EIF4G3: variants seen among roughly 807,000 people sequenced by gnomAD.
EIF4G3 encodes eIF-4-gamma 3.
Under a neutral mutation model 186.4 loss-of-function variants are expected in EIF4G3, and 34 were observed. The ratio of observed to expected loss-of-function variants is 0.18; its 90% confidence interval spans 0.14 to 0.24. The LOEUF (loss-of-function observed/expected upper bound fraction) is 0.24, where lower values mean the gene tolerates loss of function less well. EIF4G3 is among the 10% of genes least tolerant of loss of function. The pLI, the probability that EIF4G3 is intolerant of heterozygous loss-of-function variation, is 1.00. For synonymous variants in EIF4G3, 673 were observed against 679.5 expected (o/e 0.99, Z 0.15); for missense variants, 1,536 against 1,948.5 (o/e 0.79, Z 3.99).
chr1:20,910,174 A>G (rs183565059), intron 14 of EIF4G3, among the ~76,000 whole-genome samples: 1 of 152,306 alleles, frequency 6.6e-6, no homozygotes, highest in Non-Finnish European at 1.5e-5. Context: ...TAATAGGGAG[A>G]CAATTAAAAT....
intron 36 of EIF4G3, among the ~76,000 whole-genome samples, chr1:20,809,761 A>T (rs2058860356): frequency 6.6e-6 from 1 of 152,166 alleles, no homozygotes; most frequent in South Asian, 2.1e-4. Context: ...TGGTTATTTA[A>T]ATTTAAAGTC....
intron 19 of EIF4G3, among the ~76,000 whole-genome samples, chr1:20,884,613 A>G (rs978277684): frequency 7.2e-5 from 11 of 152,156 alleles, no homozygotes; most frequent in African/African-American, 2.4e-4. Context: ...AAAGGTTGAG[A>G]TATGTTGAAA....
At chr1:20,967,888 G>T (rs1017353326) in intron 12 of EIF4G3, among the ~76,000 whole-genome samples, 1 of 152,148 alleles carries the variant, frequency 6.6e-6, no homozygotes, top group African/African-American at 2.4e-5. Context: ...AGGCATAAAA[G>T]AGCAAAGAGA....
chr1:20,918,463 C>G (rs2094149586), intron 14 of EIF4G3, among the ~76,000 whole-genome samples: 1 of 151,926 alleles, frequency 6.6e-6, no homozygotes, highest in Non-Finnish European at 1.5e-5. Context: ...CCGTCATAGC[C>G]TCCCAAAGTG....
At chr1:20,932,041 C>T (rs535155479) in intron 14 of EIF4G3, among the ~76,000 whole-genome samples, 1 of 152,302 alleles carries the variant, frequency 6.6e-6, no homozygotes, top group South Asian at 2.1e-4. Context: ...AGGGTAGCCA[C>T]TATCATCAAT....
intron 4 of EIF4G3, among the ~76,000 whole-genome samples, chr1:21,005,583 C>G (rs956685642): frequency 6.6e-5 from 10 of 152,186 alleles, no homozygotes; most frequent in Non-Finnish European, 2.9e-5. Flanking sequence ...CCTTATTTGA[C>G]TTCACTCAAA....
chr1:20,904,908 T>C lies in EIF4G3; in HGVS notation c.1727A>G (p.Glu576Gly). 1 of 1,614,022 alleles carries C rather than the reference T, an allele frequency of 6.2e-7. No homozygotes were observed. Among genetic ancestry groups the C allele is most frequent in the Non-Finnish European group, 8.5e-7 (1 of 1,179,958 alleles). The change falls in exon 15 of 37, where the codon GAA becomes GGA. Residue 576 changes from glutamate (E) to glycine (G), a missense_variant. This residue lies in a region of EIF4G3 where 560 missense variants were observed against 547.8 expected (regional missense o/e 1.02). Transcript: ENST00000602326. ...CTCCAATTCTGCCTCTAACATCTCT[T>C]CAGTGGTTCGGGTCCGATCTTTTGG... ...KKPKDRTRTT[E>G]EMLEAELELK...
intron 3 of EIF4G3, among the ~76,000 whole-genome samples, chr1:21,069,347 G>T (rs1363733635): frequency 6.6e-6 from 1 of 152,024 alleles, no homozygotes; most frequent in East Asian, 1.9e-4. Flanking sequence ...ACATATTTTT[G>T]TTCTCATTTA....
intron 20 of EIF4G3, among the ~76,000 whole-genome samples, chr1:20,865,637 T>C (rs764532076): frequency 3.9e-5 from 6 of 152,084 alleles, no homozygotes; most frequent in African/African-American, 9.7e-5. Flanking sequence ...TTTGGTTTAA[T>C]AGAACACACA....
At position 20,810,970 on chromosome 1, in the gene EIF4G3, G is replaced by C; in HGVS notation, c.4598-86C>G. 7.3e-7 allele frequency: 1 copy of C among 1,364,084 alleles called. No individual in the cohort carries two copies. The highest frequency in any genetic ancestry group is 1.4e-5 in the South Asian group (1 of 73,040). 84.5% of individuals were successfully genotyped at this position (1,364,084 alleles called of 1,614,324 possible). A position where few individuals can be genotyped will look rare whatever the true frequency, so the allele number is the denominator to read the frequency against. ...TTTTCTTTCTTTTTTCTTTTTTTGA[G>C]ACAGAGCCTCACTCTATTGCCCAGG... On this transcript the variant is annotated intron_variant, in intron 35 of 36. Transcript: ENST00000602326. This position sits in a 1 kb window ranked among gnomAD's most constrained non-coding sequence, Gnocchi z 4.1.
chr1:21,062,099 C>T (rs2094948239), intron 3 of EIF4G3, among the ~76,000 whole-genome samples: 2 of 151,888 alleles, frequency 1.3e-5, no homozygotes, highest in African/African-American at 2.4e-5. Context: ...TGCTCTGTCA[C>T]TCAGGCTGAA....
At chr1:20,962,538 A>T (rs565633489) in intron 12 of EIF4G3, among the ~76,000 whole-genome samples, 8 of 152,336 alleles carry the variant, frequency 5.3e-5, no homozygotes, top group Admixed American at 4.6e-4. Context: ...CAAAAAGTTG[A>T]TATCAAGCAA....
At chr1:21,025,655 ATTT>A (rs1346863294) in intron 4 of EIF4G3, among the ~76,000 whole-genome samples, 1 of 152,172 alleles carries the variant, frequency 6.6e-6, no homozygotes, top group Non-Finnish European at 1.5e-5. Context: ...TACTGGCCTT[ATTT>A]TATTCTCTCA....
At position 20,851,427 on chromosome 1, in the gene EIF4G3, T is replaced by G. The variant is rs1319000500; in HGVS notation, c.3603A>C (p.Thr1201=). 2 of 1,614,202 alleles carry G rather than the reference T, an allele frequency of 1.2e-6. No individual in the cohort carries two copies. The highest frequency in any genetic ancestry group is 3.3e-5 in the Admixed American group (2 of 60,018). Residue 1201 remains threonine (T), a synonymous_variant, in exon 28 of 37, where the codon ACA becomes ACC. Coordinates refer to ENST00000602326, the MANE Select transcript of EIF4G3 (RefSeq NM_001391906.1). ...EKNDKPLPSA[T]ARPNTFMRGG... ...CCCTCATGAAAGTATTTGGCCGAGC[T>G]GTTGCAGATGGAAGGGGCTTGTCAT... is the stretch of plus-strand genomic sequence containing the variant.
chr1:20,867,947 G>T (rs774934925), intron 20 of EIF4G3, among the ~76,000 whole-genome samples: 12 of 152,142 alleles, frequency 7.9e-5, no homozygotes, highest in South Asian at 6.2e-4. Flanking sequence ...CTGAATGAAT[G>T]AATACCTAGC....
intron 4 of EIF4G3, among the ~76,000 whole-genome samples, chr1:21,042,067 G>A (rs2093616273): frequency 6.6e-6 from 1 of 151,412 alleles, no homozygotes; most frequent in Admixed American, 6.6e-5. Flanking sequence ...GCTCACTGCA[G>A]CCTTGACCTT....
chr1:20,929,777 C>T (rs566592284), intron 14 of EIF4G3, among the ~76,000 whole-genome samples: 7 of 152,238 alleles, frequency 4.6e-5, no homozygotes, highest in Admixed American at 1.3e-4. Context: ...CCCATGGTCA[C>T]AGAGATAGAC....
intron 20 of EIF4G3, among the ~76,000 whole-genome samples, chr1:20,877,110 T>A (rs2154553803): frequency 6.6e-6 from 1 of 152,364 alleles, no homozygotes; most frequent in South Asian, 2.1e-4. Flanking sequence ...AAGGCCATTT[T>A]CATCAATATC....
intron 4 of EIF4G3, among the ~76,000 whole-genome samples, chr1:21,023,867 G>A (rs28414973): frequency 0.3 from 33,360 of 112,426 alleles, 4,950 homozygotes; most frequent in Non-Finnish European, 0.33. Context: ...GTCTCTGCCC[G>A]GCCGCCCATC....
Sources: gnomAD v4.1 joint callset for allele counts (sites outside exome capture counted in the v4.1 genomes callset) on GRCh38, gnomAD v4.1.1 for gene constraint, gnomAD v4.1.1 regional missense constraint, Gnocchi (gnomAD v3.1) non-coding constraint, MANE v1.5 for transcripts, NCBI Gene and HGNC (gene_info 2026-07-23, HGNC 2026-07-21) for gene names.